Variants in TNRC18 observed in about 807,000 individuals in gnomAD.
The protein encoded by TNRC18 is trinucleotide repeat-containing gene 18 protein.
A neutral mutation model predicts 226.7 loss-of-function variants in TNRC18; 69 were observed. The ratio of observed to expected loss-of-function variants is 0.30; its 90% confidence interval spans 0.25 to 0.37. The LOEUF is 0.37. Ranked by LOEUF, TNRC18 falls within the 10% of genes least tolerant of loss-of-function variation. The pLI, the probability that TNRC18 is intolerant of heterozygous loss-of-function variation, is 1.00. For synonymous variants in TNRC18, 2,449 were observed against 1,927.6 expected, an observed-to-expected ratio of 1.27 and a Z score of -7.09; for missense variants, 4,754 against 4,256.6, an observed-to-expected ratio of 1.12 and a Z score of -3.25.
At chr7:5,392,156 T>G (rs1780347788) in intron 3 of TNRC18, among the ~76,000 whole-genome samples, 1 of 152,140 alleles carries the variant, frequency 6.6e-6, no homozygotes, top group Admixed American at 6.6e-5. Context: ...ACCTGTTCTC[T>G]CATCCAATCA....
chr7:5,347,726 G>C (rs557840130), intron 17 of TNRC18, among the ~76,000 whole-genome samples: 1 of 151,938 alleles, frequency 6.6e-6, no homozygotes, highest in South Asian at 2.1e-4. Context: ...GGAGGCCAAG[G>C]CATGTGGATC....
chr7:5,345,711 G>A lies in TNRC18; in HGVS notation c.5570C>T (p.Ser1857Leu). The change falls in exon 18 of 30, where the codon TCA becomes TTA. Residue 1857 changes from serine (S) to leucine (L), a missense_variant. By Grantham distance (145) the Ser-to-Leu change is moderately radical. Transcript: ENST00000430969. ...CAGCCCACTCTCCTCCAGGCCCGGTGACAGGGCCCGCTCCCGGGCACCCAG... is the reference window on the plus strand; with the variant it reads ...CAGCCCACTCTCCTCCAGGCCCGGTAACAGGGCCCGCTCCCGGGCACCCAG... ...YRLGARERAL[S>L]PGLEESGLGL... The A allele has an allele frequency of 6.5e-7, 1 of 1,548,788 alleles. No homozygotes were observed. The highest frequency in any genetic ancestry group is 8.7e-7 in the Non-Finnish European group (1 of 1,146,798).
intron 27 of TNRC18, among the ~76,000 whole-genome samples, chr7:5,310,454 C>T (rs1162938302): frequency 6.6e-6 from 1 of 152,024 alleles, no homozygotes; most frequent in East Asian, 1.9e-4. Flanking sequence ...AGGGTGGTCT[C>T]GAACTCCTGA....
intron 2 of TNRC18, among the ~76,000 whole-genome samples, chr7:5,418,140 A>G (rs1216514839): frequency 3.9e-5 from 6 of 152,160 alleles, no homozygotes; most frequent in African/African-American, 1.4e-4. Context: ...TAGCTCTTTA[A>G]TTGCAGCCTG....
At chr7:5,384,873 G>C (rs1435749172) in intron 5 of TNRC18, among the ~76,000 whole-genome samples, 9 of 152,248 alleles carry the variant, frequency 5.9e-5, no homozygotes, top group Admixed American at 5.9e-4. Flanking sequence ...AGAGCAGTGT[G>C]TTCATTCAGT....
chr7:5,312,245 C>T lies in TNRC18; in HGVS notation c.8388+258G>A, dbSNP rs1215287800. On this transcript the variant is annotated intron_variant, in intron 27 of 29. Coordinates refer to ENST00000430969, the MANE Select transcript of TNRC18 (RefSeq NM_001080495.3). This position sits in a 1 kb window ranked among gnomAD's most constrained non-coding sequence, Gnocchi z 6.3. ...GCACGTTTCCTTCATCTGGGCTCCACGAGGGTGGCTCTGCGTCCCGGGACC... is the reference window on the plus strand; with the variant it reads ...GCACGTTTCCTTCATCTGGGCTCCATGAGGGTGGCTCTGCGTCCCGGGACC... 1.3e-5 allele frequency among the ~76,000 whole-genome samples: 2 copies of T among 152,208 alleles called. No homozygotes were observed. The highest frequency in any genetic ancestry group is 1.9e-4 in the East Asian group (1 of 5,200).
chr7:5,347,656 C>T (rs1382496995), intron 17 of TNRC18, among the ~76,000 whole-genome samples: 1 of 151,912 alleles, frequency 6.6e-6, no homozygotes, highest in African/African-American at 2.4e-5. Flanking sequence ...CAGAGCGAGA[C>T]CCTGTCTCAA....
rs1786674775 is a variant in TNRC18, at chr7:5,307,596, G to C, written c.*510C>G. 2 of 446,278 alleles carry C rather than the reference G, an allele frequency of 4.5e-6. No homozygotes were observed. The highest frequency in any genetic ancestry group is 9.0e-6 in the Non-Finnish European group (2 of 222,276). 27.6% of individuals were successfully genotyped at this position (446,278 alleles called of 1,614,324 possible). On this transcript the variant is annotated 3_prime_UTR_variant, in exon 30 of 30. Coordinates refer to ENST00000430969, the MANE Select transcript of TNRC18 (RefSeq NM_001080495.3). ...GGGTGGGGGCAGGGCCCCTGGCACAGTCAGGTAGGCCAGCTGGCATCGGGC... is the reference window on the plus strand; with the variant it reads ...GGGTGGGGGCAGGGCCCCTGGCACACTCAGGTAGGCCAGCTGGCATCGGGC...
chr7:5,324,417 G>T lies in TNRC18; in HGVS notation c.6301-62C>A. The T allele has an allele frequency of 6.3e-7, 1 of 1,586,106 alleles. No individual in the cohort carries two copies. Among genetic ancestry groups the T allele is most frequent in the East Asian group, 2.2e-5 (1 of 44,530 alleles). On this transcript the variant is annotated intron_variant, in intron 20 of 29. Transcript: ENST00000430969. The surrounding 1 kb of genome is among the most constrained non-coding windows in gnomAD (Gnocchi z 4.8). ...CTGAACAGGGGTCCTGCCGGGTTGGGGACCCTCTCTGGAAACCTGGAGCCA... is the reference window on the plus strand; with the variant it reads ...CTGAACAGGGGTCCTGCCGGGTTGGTGACCCTCTCTGGAAACCTGGAGCCA...
At chr7:5,413,399 C>A (rs895522918) in intron 2 of TNRC18, among the ~76,000 whole-genome samples, 1 of 152,194 alleles carries the variant, frequency 6.6e-6, no homozygotes, top group Non-Finnish European at 1.5e-5. Flanking sequence ...ATCCGTCTTA[C>A]CTGCCCAACC....
intron 18 of TNRC18, among the ~76,000 whole-genome samples, chr7:5,341,940 G>T (rs191180997): frequency 1.3e-4 from 20 of 152,298 alleles, no homozygotes; most frequent in Admixed American, 3.3e-4. Context: ...AGCTCTGAGG[G>T]AGACGTACAA....
At chr7:5,357,838 G>T (rs1353387818) in intron 15 of TNRC18, among the ~76,000 whole-genome samples, 1 of 152,132 alleles carries the variant, frequency 6.6e-6, no homozygotes, top group Admixed American at 6.5e-5. Flanking sequence ...GTATCGCAAG[G>T]TGCTTCTGAA....
At chr7:5,331,451 T>C (rs1464826561) in intron 19 of TNRC18, among the ~76,000 whole-genome samples, 1 of 152,128 alleles carries the variant, frequency 6.6e-6, no homozygotes, top group Non-Finnish European at 1.5e-5. Flanking sequence ...CATTTTCACA[T>C]TTTAACCTCT....
Position 5,390,480 on chromosome 7 carries a change from C to G in TNRC18, c.487+5G>C, listed in dbSNP as rs1220086693. ...GCCACCCCCAACCCCGGACTCCAGT[C>G]TTACCTCCTCCTGGCCCCTGACCTT... On this transcript the variant is annotated splice_donor_5th_base_variant and intron_variant, in intron 4 of 29. Coordinates refer to ENST00000430969, the MANE Select transcript of TNRC18 (RefSeq NM_001080495.3). 3 of 1,613,312 alleles carry G rather than the reference C, an allele frequency of 1.9e-6. No individual in the cohort carries two copies. Among genetic ancestry groups the G allele is most frequent in the Non-Finnish European group, 2.5e-6 (3 of 1,179,834 alleles).
intron 19 of TNRC18, among the ~76,000 whole-genome samples, chr7:5,327,089 C>T (rs530247267): frequency 6.6e-6 from 1 of 152,334 alleles, no homozygotes; most frequent in African/African-American, 2.4e-5. Flanking sequence ...TGCCACTGCA[C>T]TCCAGCCTGG....
At chr7:5,348,985 G>C (rs3935594) in intron 17 of TNRC18, among the ~76,000 whole-genome samples, 62,724 of 149,050 alleles carry the variant, frequency 0.42, 13,541 homozygotes, top group East Asian at 0.7. Context: ...GGTGGGGGCA[G>C]GGGGTTGGAC....
At chr7:5,329,274 G>C (rs978423886) in intron 19 of TNRC18, among the ~76,000 whole-genome samples, 1 of 151,346 alleles carries the variant, frequency 6.6e-6, no homozygotes, top group Non-Finnish European at 1.5e-5. Context: ...CTGTACTCCA[G>C]TCTGGGCAGT....
At position 5,377,612 on chromosome 7, in the gene TNRC18, GA is replaced by G. The variant is rs1340271739; in HGVS notation, c.2256-37del. On this transcript the variant is annotated intron_variant, in intron 6 of 29. Transcript: ENST00000430969. This position sits in a 1 kb window ranked among gnomAD's most constrained non-coding sequence, Gnocchi z 5.8. ...GATCATAGGTGTCAGCGACAGCTCG[GA>G]CAGCCCAGGGGACGAGAGGGAGAAG... 1.1e-5 allele frequency: 17 copies of G among 1,543,122 alleles called. No individual in the cohort carries two copies. The highest frequency in any genetic ancestry group is 1.3e-5 in the Non-Finnish European group (15 of 1,139,704).
At chr7:5,323,154 G>A (rs1307583991) in intron 21 of TNRC18, among the ~76,000 whole-genome samples, 1 of 152,132 alleles carries the variant, frequency 6.6e-6, no homozygotes, top group Non-Finnish European at 1.5e-5. Context: ...TCACATAGCG[G>A]CAGGTGACCA....
Sources: gnomAD v4.1 joint callset for allele counts (sites outside exome capture counted in the v4.1 genomes callset) on GRCh38, gnomAD v4.1.1 for gene constraint, Gnocchi (gnomAD v3.1) non-coding constraint, MANE v1.5 for transcripts, NCBI Gene and HGNC (gene_info 2026-07-23, HGNC 2026-07-21) for gene names.